Variants in SPAG16 observed in about 807,000 individuals in gnomAD.
SPAG16 encodes the protein sperm associated antigen 16, also known as sperm-associated antigen 16 protein.
In SPAG16, 86 loss-of-function variants were observed where a neutral mutation model predicts 80.4. The observed-to-expected ratio is 1.07, with a 90% CI of 0.90 to 1.28. SPAG16 has a LOEUF of 1.28. SPAG16 is among the 50% of genes most tolerant of loss of function. The pLI, the probability that SPAG16 is intolerant of heterozygous loss-of-function variation, is 0.00. For missense variants in SPAG16, 870 were observed against 765.3 expected, an observed-to-expected ratio of 1.14 and a Z score of -1.61; for synonymous variants, 294 against 265.9, an observed-to-expected ratio of 1.11 and a Z score of -1.03.
chr2:213,472,087 G>A (rs2081315), intron 9 of SPAG16, among the ~76,000 whole-genome samples: 75 of 152,262 alleles, frequency 4.9e-4, no homozygotes, highest in Non-Finnish European at 9.8e-4. Flanking sequence ...TGTAATGAAC[G>A]AGTGTGACAT....
intron 9 of SPAG16, among the ~76,000 whole-genome samples, chr2:213,391,901 AT>A (rs1286749659): frequency 1.3e-5 from 2 of 152,186 alleles, no homozygotes; most frequent in East Asian, 3.8e-4. Context: ...AGATTAGAGA[AT>A]TACGGTGGCT....
intron 10 of SPAG16, among the ~76,000 whole-genome samples, chr2:213,537,917 T>C (rs2076306140): frequency 6.6e-6 from 1 of 152,214 alleles, no homozygotes; most frequent in Admixed American, 6.5e-5. Flanking sequence ...TTTCCAATTA[T>C]TGCTTCTTAA....
At chr2:213,603,152 T>A (rs2061127234) in intron 10 of SPAG16, among the ~76,000 whole-genome samples, 1 of 152,242 alleles carries the variant, frequency 6.6e-6, no homozygotes, top group South Asian at 2.1e-4. Context: ...GCAGCCTCTA[T>A]CTTAGAAATA....
At chr2:213,822,732 C>T (rs1319725787) in intron 10 of SPAG16, among the ~76,000 whole-genome samples, 2 of 152,104 alleles carry the variant, frequency 1.3e-5, no homozygotes, top group East Asian at 3.9e-4. Context: ...CTCCTCAACC[C>T]CCAGCCCCCA....
chr2:213,464,425 G>T (rs1052709290), intron 9 of SPAG16, among the ~76,000 whole-genome samples: 1 of 152,202 alleles, frequency 6.6e-6, no homozygotes, highest in South Asian at 2.1e-4. Context: ...CCCCCTGGGT[G>T]ACAGCAACCT....
chr2:214,251,228 C>T (rs1690268813), intron 15 of SPAG16, among the ~76,000 whole-genome samples: 1 of 150,974 alleles, frequency 6.6e-6, no homozygotes. Flanking sequence ...TTTACTCAGA[C>T]TTTGAGACCT....
intron 15 of SPAG16, among the ~76,000 whole-genome samples, chr2:214,199,783 C>T (rs914913228): frequency 6.6e-6 from 1 of 151,988 alleles, no homozygotes; most frequent in Non-Finnish European, 1.5e-5. Flanking sequence ...CTTTGAGTAG[C>T]GTTTTGTAAT....
chr2:213,292,643 G>A (rs1374178589), intron 1 of SPAG16, among the ~76,000 whole-genome samples: 3 of 129,814 alleles, frequency 2.3e-5, no homozygotes, highest in Non-Finnish European at 4.8e-5. Context: ...CAGCCTGGGC[G>A]ACAGAGCGAG....
chr2:214,403,804 C>T (rs1026968371), intron 15 of SPAG16, among the ~76,000 whole-genome samples: 5 of 151,966 alleles, frequency 3.3e-5, no homozygotes, highest in Non-Finnish European at 5.9e-5. Context: ...TGAGTAATCA[C>T]GAAGTTAAGA....
chr2:213,661,816 T>C (rs895708684), intron 10 of SPAG16, among the ~76,000 whole-genome samples: 1 of 152,210 alleles, frequency 6.6e-6, no homozygotes, highest in African/African-American at 2.4e-5. Context: ...GTTACTTATG[T>C]TCAATTATCA....
intron 15 of SPAG16, among the ~76,000 whole-genome samples, chr2:214,408,728 A>G (rs1702135832): frequency 6.6e-6 from 1 of 152,184 alleles, no homozygotes; most frequent in Non-Finnish European, 1.5e-5. Context: ...TCAAGAAGGC[A>G]TCATTGATAA....
chr2:214,379,771 G>T (rs1406916586), intron 15 of SPAG16, among the ~76,000 whole-genome samples: 1 of 152,172 alleles, frequency 6.6e-6, no homozygotes, highest in East Asian at 1.9e-4. Context: ...ATTGATTAGG[G>T]TAATTTGGCT....
chr2:214,157,695 A>C (rs2056274124), intron 15 of SPAG16, among the ~76,000 whole-genome samples: 1 of 152,112 alleles, frequency 6.6e-6, no homozygotes, highest in African/African-American at 2.4e-5. Flanking sequence ...ATGACTCATA[A>C]ATTATGATAA....
chr2:214,140,838 A>G (rs1461628807), intron 14 of SPAG16, among the ~76,000 whole-genome samples: 4 of 147,012 alleles, frequency 2.7e-5, no homozygotes, highest in Non-Finnish European at 4.4e-5. Flanking sequence ...GCTTGTTTTT[A>G]ATGTTTCTCT....
intron 9 of SPAG16, among the ~76,000 whole-genome samples, chr2:213,447,461 C>T (rs538032872): frequency 6.6e-6 from 1 of 152,298 alleles, no homozygotes; most frequent in African/African-American, 2.4e-5. Flanking sequence ...TGATAAATCC[C>T]CTTTGAGCCC....
At chr2:213,471,301 C>G (rs941234070) in intron 9 of SPAG16, among the ~76,000 whole-genome samples, 1 of 152,148 alleles carries the variant, frequency 6.6e-6, no homozygotes, top group Non-Finnish European at 1.5e-5. Context: ...AAGTAACTTA[C>G]TTTTGCCTTC....
chr2:214,209,800 A>G (rs900953387), intron 15 of SPAG16, among the ~76,000 whole-genome samples: 3 of 152,124 alleles, frequency 2.0e-5, no homozygotes, highest in African/African-American at 7.2e-5. Flanking sequence ...GCAACCTTCC[A>G]TAGTCAATAA....
chr2:213,432,127 C>G (rs1448750266), intron 9 of SPAG16, among the ~76,000 whole-genome samples: 2 of 151,906 alleles, frequency 1.3e-5, no homozygotes, highest in African/African-American at 4.8e-5. Context: ...GGTTAAATGG[C>G]TGCATTAAAA....
intron 13 of SPAG16, among the ~76,000 whole-genome samples, chr2:214,050,487 G>A (rs757866196): frequency 1.3e-4 from 19 of 151,832 alleles, no homozygotes; most frequent in Non-Finnish European, 1.6e-4. Flanking sequence ...GCTTCAAGTC[G>A]CTATATTCTT....
Sources: gnomAD v4.1 joint callset for allele counts (sites outside exome capture counted in the v4.1 genomes callset) on GRCh38, gnomAD v4.1.1 for gene constraint, MANE v1.5 for transcripts, NCBI Gene and HGNC (gene_info 2026-07-23, HGNC 2026-07-21) for gene names.